Variants in WFDC13 observed in about 807,000 individuals in gnomAD.
WFDC13 encodes WAP four-disulfide core domain protein 13.
In WFDC13, 6 loss-of-function variants were observed where a neutral mutation model predicts 10.9. The ratio of observed to expected loss-of-function variants is 0.55; its 90% CI spans 0.30 to 1.09. WFDC13 has a LOEUF of 1.09. Ranked by LOEUF, WFDC13 falls within the 50% of genes least tolerant of loss-of-function variation. WFDC13 has a pLI of 0.06. For synonymous variants in WFDC13, 38 were observed against 39.5 expected, an observed-to-expected ratio of 0.96 and a Z score of 0.14; for missense variants, 104 against 109.6, an observed-to-expected ratio of 0.95 and a Z score of 0.23.
At chr20:45,704,633 G>A in intron 2 of WFDC13, 39 bp downstream of exon 2, 1 of 1,606,018 alleles carries the variant, frequency 6.2e-7, no homozygotes, top group Non-Finnish European at 8.5e-7. Flanking sequence ...TCCTAGAGCT[G>A]CTGGTGGGAG....
At chr20:45,706,711 G>A (rs1174968999) in intron 3 of WFDC13, among the ~76,000 whole-genome samples, 1 of 150,640 alleles carries the variant, frequency 6.6e-6, no homozygotes, top group Non-Finnish European at 1.5e-5. Context: ...GGCAGAGGTT[G>A]CAGTGAGCCA....
intron 1 of WFDC13, among the ~76,000 whole-genome samples, 183 bp downstream of exon 1, chr20:45,702,394 A>G (rs1984202011): frequency 1.3e-5 from 2 of 152,222 alleles, no homozygotes; most frequent in Admixed American, 1.3e-4. Context: ...TGGGCATAGT[A>G]TCTGGGCCTC....
chr20:45,704,305 A>C (rs555589566), intron 1 of WFDC13, 139 bp from the exon 2 acceptor site: 46 of 1,189,638 alleles, frequency 3.9e-5, no homozygotes, highest in Non-Finnish European at 4.6e-6. Context: ...GCTGAGGACA[A>C]AACCTGATGC....
intron 1 of WFDC13, 127 bp downstream of exon 1, chr20:45,702,338 T>C (rs1600966567): frequency 1.2e-5 from 12 of 974,780 alleles, no homozygotes; most frequent in South Asian, 8.1e-5. Flanking sequence ...AGCTTTATTG[T>C]TGGCAAGATC....
intron 2 of WFDC13, 148 bp from the exon 3 acceptor site, chr20:45,705,715 T>C (rs1353597644): frequency 6.1e-6 from 4 of 656,152 alleles, no homozygotes; most frequent in East Asian, 5.5e-5. Context: ...TTTGGTGTCA[T>C]TGAGTTTTTT....
intron 1 of WFDC13, among the ~76,000 whole-genome samples, chr20:45,702,754 C>G (rs946835221): frequency 6.6e-6 from 1 of 152,198 alleles, no homozygotes; most frequent in Non-Finnish European, 1.5e-5. Flanking sequence ...ATCAATGGGA[C>G]AGTGTAGAGT....
At chr20:45,704,948 A>G (rs201340238) in intron 2 of WFDC13, 3 of 1,613,914 alleles carry the variant, frequency 1.9e-6, no homozygotes, top group East Asian at 4.5e-5. Context: ...CCAAAGCAAA[A>G]TTTGTCCTAC....
chr20:45,707,795 T>A (rs1407768315), intron 3 of WFDC13, 63 bp from the exon 4 acceptor site: 2 of 152,206 alleles, frequency 1.3e-5, no homozygotes, highest in African/African-American at 4.8e-5. Context: ...CCCAACATGA[T>A]GTCCAAGGAT....
At chr20:45,702,282 T>C in intron 1 of WFDC13, 71 bp downstream of exon 1, 1 of 1,442,402 alleles carries the variant, frequency 6.9e-7, no homozygotes, top group South Asian at 1.2e-5. Flanking sequence ...GGGCTGACAG[T>C]CTGTCACACC....
intron 1 of WFDC13, among the ~76,000 whole-genome samples, chr20:45,703,784 C>T (rs2145644945): frequency 6.6e-6 from 1 of 152,240 alleles, no homozygotes; most frequent in East Asian, 1.9e-4. Context: ...GTGGGGCATC[C>T]TGGTGCTCTG....
chr20:45,702,649 C>G (rs1984212877), intron 1 of WFDC13, among the ~76,000 whole-genome samples: 1 of 152,172 alleles, frequency 6.6e-6, no homozygotes, highest in African/African-American at 2.4e-5. Context: ...TAACCTTGGC[C>G]TTGGAGGATG....
intron 1 of WFDC13, among the ~76,000 whole-genome samples, chr20:45,703,858 C>T (rs891274608): frequency 3.3e-5 from 5 of 152,070 alleles, no homozygotes; most frequent in African/African-American, 1.2e-4. Flanking sequence ...TTCTGAAATC[C>T]CCACCCTTCT....
intron 3 of WFDC13, among the ~76,000 whole-genome samples, chr20:45,706,968 AG>A (rs1206938317): frequency 1.3e-5 from 2 of 152,238 alleles, no homozygotes; most frequent in African/African-American, 4.8e-5. Flanking sequence ...TGATGTCTCC[AG>A]ATGTTCCAAA....
In WFDC13 at chr20:45,704,515, G is replaced by A. The variant is rs1199555377; in HGVS notation, c.160G>A (p.Asp54Asn). ...TACTCACCTGTGTACAATGCAGGAA[G>A]ATTGCGAGAAAGGATTTCAGTGCTG... is the stretch of plus-strand genomic sequence containing the variant. ...NCTHLCTMQE[D>N]CEKGFQCCSS... Residue 54 changes from aspartate (D) to asparagine (N), a missense_variant, in exon 2 of 4, where the codon GAT becomes AAT. Transcript: ENST00000305479. 1.2e-6 allele frequency: 2 copies of A among 1,614,088 alleles called. No individual in the cohort carries two copies. Among genetic ancestry groups the A allele is most frequent in the Non-Finnish European group, 1.7e-6 (2 of 1,180,048 alleles).
intron 3 of WFDC13, 58 bp downstream of exon 3, chr20:45,705,985 T>G: frequency 4.7e-6 from 7 of 1,481,862 alleles, no homozygotes; most frequent in Non-Finnish European, 6.6e-6. Context: ...GATGCTCACT[T>G]TCTTCCTGTA....
In WFDC13 at chr20:45,708,544, T is replaced by G. The variant is rs529459163; in HGVS notation, c.*709T>G. The G allele has an allele frequency of 3.3e-5, 5 of 152,230 alleles. No individual in the cohort carries two copies. The South Asian group carries it at 1.0e-3, about 32-fold the overall frequency. 9.4% of individuals were successfully genotyped at this position (152,230 alleles called of 1,614,324 possible). ...TTTCCTAAACTACCAATAATAACTT[T>G]AAATTTTTGATCAACCATGCTAGAG... On this transcript the variant is annotated 3_prime_UTR_variant, in exon 4 of 4. Coordinates refer to ENST00000305479, the MANE Select transcript of WFDC13 (RefSeq NM_172005.2).
intron 2 of WFDC13, chr20:45,704,969 G>T: frequency 6.2e-7 from 1 of 1,614,092 alleles, no homozygotes; most frequent in East Asian, 2.2e-5. Context: ...ACTTTTGCTT[G>T]CCCTCCTTTC....
chr20:45,707,633 A>G (rs1024122224), intron 3 of WFDC13, among the ~76,000 whole-genome samples: 10 of 152,200 alleles, frequency 6.6e-5, no homozygotes, highest in Non-Finnish European at 1.2e-4. Context: ...TGTCTAAAAA[A>G]TGATGGCTAA....
rs569566851 is a variant in WFDC13, at chr20:45,704,818, G to A, written c.239+224G>A. 1.1e-4 allele frequency: 145 copies of A among 1,375,912 alleles called. 1 individual carries two copies. Among genetic ancestry groups the A allele is most frequent in the Middle Eastern group, 2.2e-4 (1 of 4,630 alleles). The allele number at this position is 1,375,912 out of a possible 1,614,324, so 85.2% of individuals were successfully genotyped here. On this transcript the variant is annotated intron_variant, in intron 2 of 3. Transcript: ENST00000305479. ...ATCACCACATCCCATCACCATATCC[G>A]TGAATTTCTGACTCTGCCTCTCTGA...
Sources: allele counts gnomAD v4.1 joint callset (sites outside exome capture counted in the v4.1 genomes callset), GRCh38; gene constraint gnomAD v4.1.1; transcripts MANE v1.5; gene names NCBI Gene and HGNC (gene_info 2026-07-23, HGNC 2026-07-21).